Variants in TMEM182 observed in about 807,000 individuals in gnomAD.
The protein encoded by TMEM182 is transmembrane protein 182.
A neutral mutation model predicts 26.8 loss-of-function variants in TMEM182; 20 were observed. That is an observed-to-expected ratio of 0.75 (90% CI 0.53 to 1.09). The LOEUF is 1.09. Among genes scored for constraint, TMEM182 ranks in the 50% least tolerant of loss-of-function variants. The pLI, the probability that TMEM182 is intolerant of heterozygous loss-of-function variation, is 0.00. For synonymous variants in TMEM182, 109 were observed against 102.2 expected, an observed-to-expected ratio of 1.07 and a Z score of -0.40; for missense variants, 277 against 275.5, an observed-to-expected ratio of 1.01 and a Z score of -0.04.
upstream of TMEM182, among the ~76,000 whole-genome samples, chr2:102,759,510 A>G (rs1405481674): frequency 1.3e-5 from 2 of 152,144 alleles, no homozygotes; most frequent in Non-Finnish European, 2.9e-5. Flanking sequence ...AAATGCCTGG[A>G]CCCTCAAAAG....
chr2:102,819,178 T>C (rs1682857544), downstream of TMEM182, among the ~76,000 whole-genome samples: 1 of 152,220 alleles, frequency 6.6e-6, no homozygotes. Flanking sequence ...TCCCCATTAA[T>C]TCTAAAGAGA....
At chr2:102,810,551 A>G (rs536176171) in intron 4 of TMEM182, among the ~76,000 whole-genome samples, 3 of 152,136 alleles carry the variant, frequency 2.0e-5, no homozygotes, top group Non-Finnish European at 4.4e-5. Flanking sequence ...TTGTAAGAGA[A>G]CCCATGCAAA....
chr2:102,737,082 C>A, intron 1 of TMEM182: 1 of 451,320 alleles, frequency 2.2e-6, no homozygotes, highest in Non-Finnish European at 3.9e-6. Context: ...GACCCTGCTG[C>A]CCCTATCGTT....
chr2:102,776,435 T>G (rs1212319921), intron 3 of TMEM182, among the ~76,000 whole-genome samples: 1 of 152,204 alleles, frequency 6.6e-6, no homozygotes, highest in Non-Finnish European at 1.5e-5. Flanking sequence ...CTTTTCAGAT[T>G]GGCTTCTTTC....
Position 102,773,802 on chromosome 2 carries a change from T to C in TMEM182, c.331+9375T>C, listed in dbSNP as rs141413220. 3.6e-3 allele frequency among the ~76,000 whole-genome samples: 547 copies of C among 152,280 alleles called. 5 individuals are homozygous for C. The highest frequency in any genetic ancestry group is 0.013 in the African/African-American group (523 of 41,554). On this transcript the variant is annotated intron_variant, in intron 3 of 4. Coordinates refer to ENST00000412401, the MANE Select transcript of TMEM182 (RefSeq NM_144632.5). ...GTATTCCAGATGACTAGGACCAGGATATTAGGAGGTAAAAATGTGTCTCAT... is the reference window on the plus strand; with the variant it reads ...GTATTCCAGATGACTAGGACCAGGACATTAGGAGGTAAAAATGTGTCTCAT...
chr2:102,821,840 T>C (rs1036510741), downstream of TMEM182, among the ~76,000 whole-genome samples: 6 of 151,816 alleles, frequency 4.0e-5, no homozygotes, highest in African/African-American at 1.5e-4. Flanking sequence ...TACAAAAAAT[T>C]AGCCGGGCAT....
At chr2:102,761,579 T>G (rs1680213432), upstream of TMEM182, among the ~76,000 whole-genome samples, 1 of 152,250 alleles carries the variant, frequency 6.6e-6, no homozygotes, top group Non-Finnish European at 1.5e-5. Context: ...TGAACTGTAC[T>G]GTGTTATGTT....
chr2:102,736,954 C>G (rs545454711), exon 1 of TMEM182: 6 of 1,024,336 alleles, frequency 5.9e-6, no homozygotes, highest in African/African-American at 5.0e-5. Flanking sequence ...GGTGCGTGGC[C>G]GGTGCTGGCT....
intron 1 of TMEM182, among the ~76,000 whole-genome samples, chr2:102,751,292 G>A (rs1478185518): frequency 6.6e-6 from 1 of 152,158 alleles, no homozygotes; most frequent in Non-Finnish European, 1.5e-5. Context: ...CACAGATTGA[G>A]TGGACCAGGT....
chr2:102,809,082 G>A (rs1180996898), intron 4 of TMEM182, among the ~76,000 whole-genome samples: 1 of 152,108 alleles, frequency 6.6e-6, no homozygotes. Context: ...TGAGAAAGAG[G>A]AACAATAAAC....
intron 3 of TMEM182, among the ~76,000 whole-genome samples, chr2:102,790,404 A>AT (rs1681585102): frequency 6.6e-6 from 1 of 152,110 alleles, no homozygotes; most frequent in South Asian, 2.1e-4. Context: ...GTTTTAGTGC[A>AT]TTTTTTACTC....
chr2:102,748,910 A>G (rs1232061001), intron 1 of TMEM182, among the ~76,000 whole-genome samples: 1 of 152,160 alleles, frequency 6.6e-6, no homozygotes, highest in Non-Finnish European at 1.5e-5. Flanking sequence ...AGAGCTTTGG[A>G]AAAGAAGAAT....
chr2:102,748,143 G>A (rs1015866975), intron 1 of TMEM182, among the ~76,000 whole-genome samples: 3 of 152,208 alleles, frequency 2.0e-5, no homozygotes, highest in Non-Finnish European at 2.9e-5. Flanking sequence ...TCCTTGGATT[G>A]GGAGTAACTT....
chr2:102,789,625 A>G (rs1051590445), intron 3 of TMEM182, among the ~76,000 whole-genome samples: 2 of 152,152 alleles, frequency 1.3e-5, no homozygotes, highest in Admixed American at 6.5e-5. Flanking sequence ...GCTTGCTACA[A>G]TAGCTACCTT....
chr2:102,800,875 T>C (rs1682097453), intron 4 of TMEM182, among the ~76,000 whole-genome samples: 1 of 151,610 alleles, frequency 6.6e-6, no homozygotes, highest in Non-Finnish European at 1.5e-5. Flanking sequence ...GTTGGTCTTT[T>C]TCCATTTTGC....
chr2:102,744,134 A>C (rs1339636765), intron 1 of TMEM182, among the ~76,000 whole-genome samples: 1 of 152,210 alleles, frequency 6.6e-6, no homozygotes, highest in East Asian at 1.9e-4. Context: ...ATTGACCTTC[A>C]CAAAGGTCAA....
downstream of TMEM182, among the ~76,000 whole-genome samples, chr2:102,817,880 T>C (rs1352711135): frequency 1.3e-5 from 2 of 152,222 alleles, no homozygotes; most frequent in African/African-American, 4.8e-5. Flanking sequence ...AACAGCAATC[T>C]ATTATTGTTG....
chr2:102,768,795 T>C (rs1680563771), intron 3 of TMEM182, among the ~76,000 whole-genome samples: 1 of 152,034 alleles, frequency 6.6e-6, no homozygotes. Flanking sequence ...TGTCAATGTT[T>C]ATTTATCTAG....
intron 2 of TMEM182, 114 bp from the exon 3 acceptor site, chr2:102,764,215 C>G: frequency 2.0e-6 from 2 of 1,001,006 alleles, no homozygotes; most frequent in Non-Finnish European, 3.0e-6. Flanking sequence ...CTGATGGAAC[C>G]AGTAGTTTTG....
Sources: allele counts gnomAD v4.1 joint callset (sites outside exome capture counted in the v4.1 genomes callset), GRCh38; gene constraint gnomAD v4.1.1; transcripts MANE v1.5; gene names NCBI Gene and HGNC (gene_info 2026-07-23, HGNC 2026-07-21).